Variants in SRSF10 observed in about 807,000 individuals in gnomAD.
SRSF10 encodes serine/arginine-rich splicing factor 10.
A neutral mutation model predicts 32.6 loss-of-function variants in SRSF10; 9 were observed. That is an observed-to-expected ratio of 0.28 (90% CI 0.17 to 0.48). The LOEUF is 0.48. SRSF10 is among the 20% of genes least tolerant of loss of function. The pLI, the probability that SRSF10 is intolerant of heterozygous loss-of-function variation, is 0.99. For synonymous variants in SRSF10, 105 were observed against 112.4 expected (o/e 0.93, Z 0.42); for missense variants, 201 against 331.8 (o/e 0.61, Z 3.06).
intron 1 of SRSF10, 116 bp downstream of exon 1, chr1:23,980,075 G>C (rs1642369855): frequency 1.7e-6 from 2 of 1,174,792 alleles, no homozygotes; most frequent in Admixed American, 2.8e-5. Context: ...AAGCGGGCGC[G>C]GGACCCGCCA....
rs1192305932 is a variant in SRSF10 at position 23,980,293 on chromosome 1, C to T, written c.-38G>A. The T allele has an allele frequency of 2.4e-5, 34 of 1,422,612 alleles. No homozygotes were observed. The highest frequency in any genetic ancestry group is 3.1e-5 in the Non-Finnish European group (33 of 1,080,312). 88.1% of individuals were successfully genotyped at this position (1,422,612 alleles called of 1,614,324 possible). A position where few individuals can be genotyped will look rare whatever the true frequency, so the allele number is the denominator to read the frequency against. On this transcript the variant is annotated 5_prime_UTR_variant, in exon 1 of 6. Transcript: ENST00000492112. Reference sequence around the variant, plus strand: ...TCTCGGCCGGGCGCACTAACGGGCTCAGCAAACCGTCCGCGGCTCAGGCGG... The same window carrying T: ...TCTCGGCCGGGCGCACTAACGGGCTTAGCAAACCGTCCGCGGCTCAGGCGG...
At chr1:23,974,615 G>C (rs1282424310) in intron 3 of SRSF10, among the ~76,000 whole-genome samples, 1 of 152,170 alleles carries the variant, frequency 6.6e-6, no homozygotes, top group Admixed American at 6.5e-5. Flanking sequence ...GATCACCTGA[G>C]GTGGGGAGTT....
chr1:23,979,009 G>A, intron 1 of SRSF10, 192 bp from the exon 2 acceptor site: 1 of 196,898 alleles, frequency 5.1e-6, no homozygotes, highest in Non-Finnish European at 1.0e-5. Context: ...ATCTACAGCC[G>A]TCATTTTTCA....
At position 23,972,197 on chromosome 1, in the gene SRSF10, C is replaced by G. The variant is rs1017577411; in HGVS notation, c.275-185G>C. On this transcript the variant is annotated intron_variant, in intron 3 of 5. Transcript: ENST00000492112. ...GTTGAGGTGGGAGGATCACTTGAGC[C>G]CAGGAGTTTGAGACCAGCCTGGGGC... Among the ~76,000 whole-genome samples, 4 of 152,024 alleles carry G rather than the reference C, an allele frequency of 2.6e-5. No individual in the cohort carries two copies. The East Asian group carries it at 7.7e-4, about 29-fold the overall frequency.
Position 23,966,606 on chromosome 1 carries a change from T to C in SRSF10, c.*4536A>G, listed in dbSNP as rs942007817. 87 of 152,164 alleles carry C rather than the reference T, an allele frequency of 5.7e-4. No homozygotes were observed. Among genetic ancestry groups the C allele is most frequent in the African/African-American group, 2.1e-3 (86 of 41,564 alleles). The allele number at this position is 152,164 out of a possible 1,614,324, so 9.4% of individuals were successfully genotyped here. On this transcript the variant is annotated 3_prime_UTR_variant, in exon 6 of 6. Coordinates refer to ENST00000492112, the MANE Select transcript of SRSF10 (RefSeq NM_054016.4). The stretch of plus-strand genomic sequence containing the variant: ...CAGCTCTCTGTCTGCCTCAAAATAA[T>C]CTAATTATAGCACCCAGTCTCCTTT...
chr1:23,980,247 G>A lies in SRSF10; in HGVS notation c.9C>T (p.Arg3=), dbSNP rs1036882356. 1.8e-4 allele frequency: 264 copies of A among 1,502,612 alleles called. No individual in the cohort carries two copies. The African/African-American group carries it at 3.1e-3, about 18-fold the overall frequency. The allele number at this position is 1,502,612 out of a possible 1,614,324, so 93.1% of individuals were successfully genotyped here. The change falls in exon 1 of 6, where the codon CGC becomes CGT. Residue 3 remains arginine (R), a synonymous_variant. Coordinates refer to ENST00000492112, the MANE Select transcript of SRSF10 (RefSeq NM_054016.4). MS[R]YLRPPNTSLF... is the part of the protein sequence containing the mutation. ...GAGACGTGTTGGGGGGACGCAGGTA[G>A]CGGGACATGGCGGCGGCGTGTCTCG...
intron 1 of SRSF10, among the ~76,000 whole-genome samples, 183 bp downstream of exon 1, chr1:23,980,008 G>T (rs1044245234): frequency 6.6e-6 from 1 of 152,218 alleles, no homozygotes; most frequent in South Asian, 2.1e-4. Context: ...AGGCAGAGGC[G>T]CCGCCCTCGC....
chr1:23,979,097 T>A (rs1570795189), intron 1 of SRSF10, among the ~76,000 whole-genome samples: 2 of 142,492 alleles, frequency 1.4e-5, no homozygotes, highest in African/African-American at 2.6e-5. Flanking sequence ...TCAAATCGAC[T>A]CTAGCACTCT....
intron 1 of SRSF10, chr1:23,979,064 T>TTTTTTG (rs1553149977): frequency 4.4e-6 from 1 of 224,736 alleles, no homozygotes; most frequent in Non-Finnish European, 8.6e-6. Flanking sequence ...CTTGTTTTTT[T>TTTTTTG]TTTTTTTTTT....
chr1:23,972,222 C>A (rs1425622240), intron 3 of SRSF10, among the ~76,000 whole-genome samples: 1 of 151,810 alleles, frequency 6.6e-6, no homozygotes, highest in African/African-American at 2.4e-5. Flanking sequence ...CAGCCTGGGG[C>A]AACATAGCAA....
At position 23,971,673 on chromosome 1, in the gene SRSF10, G is replaced by C. The variant is rs774746386; in HGVS notation, c.438-47C>G. The C allele has an allele frequency of 1.9e-6, 3 of 1,584,736 alleles. No individual in the cohort carries two copies. The African/African-American group carries it at 4.1e-5, about 22-fold the overall frequency. On this transcript the variant is annotated intron_variant, in intron 4 of 5. Transcript: ENST00000492112. Reference sequence around the variant, plus strand: ...GCAGTGACAAATATCTATTCATAGAGGCAAAGTTTCTAATTAAAAGCAAAC... The same window carrying C: ...GCAGTGACAAATATCTATTCATAGACGCAAAGTTTCTAATTAAAAGCAAAC...
At chr1:23,979,928 G>A (rs1206855145) in intron 1 of SRSF10, among the ~76,000 whole-genome samples, 2 of 152,026 alleles carry the variant, frequency 1.3e-5, no homozygotes, top group South Asian at 2.1e-4. Flanking sequence ...CCGGCAGGAA[G>A]CAGGGAGAAA....
In SRSF10 at chr1:23,971,458, G is replaced by C. The variant is rs1641747266; in HGVS notation, c.492-19C>G. 6.3e-7 allele frequency: 1 copy of C among 1,594,402 alleles called. No individual in the cohort carries two copies. Among genetic ancestry groups the C allele is most frequent in the African/African-American group, 1.4e-5 (1 of 73,540 alleles). On this transcript the variant is annotated intron_variant, in intron 5 of 5. Transcript: ENST00000492112. ...TTTGAATCTTTCAAAACAGAGGAGAGATATAATTAGAGTAAAAATTAGATT... is the reference window on the plus strand; with the variant it reads ...TTTGAATCTTTCAAAACAGAGGAGACATATAATTAGAGTAAAAATTAGATT...
At chr1:23,978,067 T>C in intron 2 of SRSF10, 3 of 985,466 alleles carry the variant, frequency 3.0e-6, no homozygotes, top group Non-Finnish European at 3.6e-6. Flanking sequence ...CCCCCTTTTG[T>C]AGATAAAGCG....
At chr1:23,975,306 C>A in intron 2 of SRSF10, 1 of 463,914 alleles carries the variant, frequency 2.2e-6, no homozygotes, top group Non-Finnish European at 3.8e-6. Context: ...ATACATATTG[C>A]AGTAAAGTTA....
At chr1:23,971,722 C>G in intron 4 of SRSF10, 96 bp from the exon 5 acceptor site, 2 of 1,515,314 alleles carry the variant, frequency 1.3e-6, no homozygotes, top group Non-Finnish European at 9.0e-7. Context: ...AAATAAAATG[C>G]TACAGTATTT....
In SRSF10 at chr1:23,971,961, C is replaced by T. The variant is rs1041532523; in HGVS notation, c.326G>A (p.Arg109His). The T allele has an allele frequency of 3.8e-6, 6 of 1,583,534 alleles. No homozygotes were observed. The highest frequency in any genetic ancestry group is 2.2e-5 in the East Asian group (1 of 44,642). Residue 109 changes from arginine (R) to histidine (H), a missense_variant, in exon 4 of 6, where the codon CGC becomes CAC. By Grantham distance (29) the Arg-to-His change is conservative. Around this residue, in one of 3 missense-constraint regions of SRSF10, gnomAD observed 159 missense variants for 196.7 expected, o/e 0.81. Transcript: ENST00000492112. ...KEGRNVYSSS[R>H]YDDYDRYRRS... The stretch of plus-strand genomic sequence containing the variant: ...TCTGTATCTGTCATAATCATCATAG[C>T]GTGAAGAACTGTACACATTCCTCCC...
Position 23,971,204 on chromosome 1 carries a change from A to G in SRSF10, c.727T>C (p.Ser243Pro). 3 of 1,614,102 alleles carry G rather than the reference A, an allele frequency of 1.9e-6. No homozygotes were observed. Among genetic ancestry groups the G allele is most frequent in the Non-Finnish European group, 2.5e-6 (3 of 1,179,998 alleles). Residue 243 changes from serine (S) to proline (P), a missense_variant, in exon 6 of 6, where the codon TCT becomes CCT. By Grantham distance (74) the Ser-to-Pro change is moderately conservative. Transcript: ENST00000492112. ...GATCTAGATTTTGACCTAGACCTAG[A>G]CTGTGATCTTGACTGAGATTTGGAT... ...PRSKSQSRSQ[S>P]RSRSKSRSRS...
Position 23,969,211 on chromosome 1 carries a change from A to G in SRSF10, c.*1931T>C. ...ACAATATTTGTTAAAAAGAACATAT[A>G]AAAATACCTTTTTAGAAGCCTCTAT... On this transcript the variant is annotated 3_prime_UTR_variant, in exon 6 of 6. Transcript: ENST00000492112. 2 of 984,902 alleles carry G rather than the reference A, an allele frequency of 2.0e-6. No homozygotes were observed. Among genetic ancestry groups the G allele is most frequent in the Non-Finnish European group, 2.4e-6 (2 of 829,054 alleles). The allele number at this position is 984,902 out of a possible 1,614,324, so 61.0% of individuals were successfully genotyped here. A position where few individuals can be genotyped will look rare whatever the true frequency, so the allele number is the denominator to read the frequency against.
Sources: gnomAD v4.1 joint callset for allele counts (sites outside exome capture counted in the v4.1 genomes callset) on GRCh38, gnomAD v4.1.1 for gene constraint, gnomAD v4.1.1 regional missense constraint, MANE v1.5 for transcripts, NCBI Gene and HGNC (gene_info 2026-07-23, HGNC 2026-07-21) for gene names.